The following NALCN variants were observed in gnomAD, a reference collection of about 807,000 sequenced individuals.
NALCN encodes the protein sodium leak channel, non-selective, also known as sodium leak channel NALCN.
A neutral mutation model predicts 225.3 loss-of-function variants in NALCN; 111 were observed. That is an observed-to-expected ratio of 0.49 (90% CI 0.42 to 0.58). The LOEUF (loss-of-function observed/expected upper bound fraction) is 0.58. Ranked by LOEUF, NALCN falls within the 20% of genes least tolerant of loss-of-function variation. NALCN has a pLI of 0.00. For synonymous variants in NALCN, 764 were observed against 769.0 expected (o/e 0.99, Z 0.11); for missense variants, 1,378 against 2,202.4 (o/e 0.63, Z 7.49).
At chr13:101,127,025 A>G (rs1411182465) in intron 17 of NALCN, among the ~76,000 whole-genome samples, 2 of 152,130 alleles carry the variant, frequency 1.3e-5, no homozygotes, top group African/African-American at 4.8e-5. Context: ...CTCTTATTTC[A>G]TCTTGAAAGG....
At chr13:101,090,025 A>G (rs1225294290) in intron 28 of NALCN, 59 bp from the exon 29 acceptor site, 3 of 1,608,840 alleles carry the variant, frequency 1.9e-6, no homozygotes, top group Non-Finnish European at 1.7e-6. Flanking sequence ...CCGAAGGCAA[A>G]TATCTGTAGC....
chr13:101,297,975 A>G (rs926239687), intron 7 of NALCN, among the ~76,000 whole-genome samples: 2 of 152,192 alleles, frequency 1.3e-5, no homozygotes, highest in Non-Finnish European at 2.9e-5. Context: ...TCTCAGTTTG[A>G]GCATCCCCTT....
intron 18 of NALCN, among the ~76,000 whole-genome samples, chr13:101,119,956 A>G (rs1162682734): frequency 6.6e-6 from 1 of 152,220 alleles, no homozygotes; most frequent in African/African-American, 2.4e-5. Flanking sequence ...GAGTTCTCAA[A>G]TATATCAAAA....
chr13:101,283,396 G>A (rs111294247), intron 10 of NALCN, among the ~76,000 whole-genome samples: 16 of 152,256 alleles, frequency 1.1e-4, no homozygotes, highest in African/African-American at 3.6e-4. Flanking sequence ...TTCACAGGCA[G>A]GGACGTGAGA....
At chr13:101,240,226 T>G (rs2041707355) in intron 11 of NALCN, among the ~76,000 whole-genome samples, 1 of 152,092 alleles carries the variant, frequency 6.6e-6, no homozygotes, top group Non-Finnish European at 1.5e-5. Context: ...TTTAAGAAGA[T>G]TAATACTAGT....
chr13:101,138,785 C>A (rs985843246), intron 17 of NALCN, among the ~76,000 whole-genome samples: 6 of 152,198 alleles, frequency 3.9e-5, no homozygotes, highest in Admixed American at 2.0e-4. Flanking sequence ...AAGTTCAGAT[C>A]TCACTTTATT....
intron 6 of NALCN, among the ~76,000 whole-genome samples, chr13:101,367,834 G>T (rs1199361000): frequency 6.6e-6 from 1 of 152,070 alleles, no homozygotes; most frequent in Admixed American, 6.5e-5. Flanking sequence ...AGTTCATTAT[G>T]GTCTTCAGAA....
intron 7 of NALCN, among the ~76,000 whole-genome samples, chr13:101,313,985 A>C (rs1594658363): frequency 6.6e-6 from 1 of 152,224 alleles, no homozygotes; most frequent in South Asian, 2.1e-4. Context: ...GCAGCCATAA[A>C]AAATGAAGAG....
At chr13:101,386,166 C>T (rs892590198) in intron 3 of NALCN, among the ~76,000 whole-genome samples, 1 of 152,110 alleles carries the variant, frequency 6.6e-6, no homozygotes, top group African/African-American at 2.4e-5. Context: ...CAGAAATATG[C>T]AGGTTGACTT....
At chr13:101,303,736 T>C (rs2044053607) in intron 7 of NALCN, among the ~76,000 whole-genome samples, 1 of 152,086 alleles carries the variant, frequency 6.6e-6, no homozygotes, top group Non-Finnish European at 1.5e-5. Flanking sequence ...CTTTCCGCGC[T>C]CTCATTAGGC....
At chr13:101,126,091 TGTCA>T (rs1294348390) in intron 17 of NALCN, among the ~76,000 whole-genome samples, 1 of 152,232 alleles carries the variant, frequency 6.6e-6, no homozygotes, top group Non-Finnish European at 1.5e-5. Flanking sequence ...AATGCTATAA[TGTCA>T]GTCAGTGTGT....
chr13:101,359,365 A>C (rs1317557065), intron 6 of NALCN, among the ~76,000 whole-genome samples: 3 of 152,234 alleles, frequency 2.0e-5, no homozygotes, highest in Non-Finnish European at 4.4e-5. Context: ...TACAAATTAC[A>C]GAACATGAAA....
chr13:101,319,403 C>G (rs1247885601), intron 7 of NALCN, among the ~76,000 whole-genome samples: 1 of 152,210 alleles, frequency 6.6e-6, no homozygotes, highest in Non-Finnish European at 1.5e-5. Context: ...ACAGGACACC[C>G]AGGCTGGAGT....
intron 9 of NALCN, among the ~76,000 whole-genome samples, chr13:101,287,906 T>C (rs1010325866): frequency 1.3e-5 from 2 of 152,172 alleles, no homozygotes; most frequent in Non-Finnish European, 2.9e-5. Context: ...ATCTTGGTAA[T>C]GGAGAATCAC....
At position 101,065,100 on chromosome 13, in the gene NALCN, A is replaced by G. The variant is rs142154769; in HGVS notation, c.4604+304T>C. 1.8e-4 allele frequency among the ~76,000 whole-genome samples: 27 copies of G among 152,194 alleles called. 2 individuals carry two copies. The East Asian group carries it at 5.2e-3, about 29-fold the overall frequency. On this transcript the variant is annotated intron_variant, in intron 40 of 43. Coordinates refer to ENST00000251127, the MANE Select transcript of NALCN (RefSeq NM_052867.4). ...TCCCGCATCACAGGGAAGGGGTGGG[A>G]CTGTGCTCTCCCAGATCCCTTCCAC...
Position 101,276,919 on chromosome 13 carries a change from T to C in NALCN, c.1134+7014A>G, listed in dbSNP as rs571366835. ...AATGTGTGATCAGAATCACTGCCCA[T>C]TGAAATATATAAAATCCTAATAGTT... On this transcript the variant is annotated intron_variant, in intron 10 of 43. Transcript: ENST00000251127. Among the ~76,000 whole-genome samples, 6 of 152,278 alleles carry C rather than the reference T, an allele frequency of 3.9e-5. No homozygotes were observed. In the South Asian group the frequency reaches 8.3e-4, roughly 21 times the overall value.
chr13:101,106,740 C>T (rs912381493), intron 22 of NALCN, among the ~76,000 whole-genome samples: 3 of 152,166 alleles, frequency 2.0e-5, no homozygotes, highest in Non-Finnish European at 4.4e-5. Context: ...TAAGATGTGC[C>T]TTTTGCCTTC....
Position 101,057,882 on chromosome 13 carries a change from CAG to C in NALCN, c.5023+55_5023+56del, listed in dbSNP as rs760233683. ...AAAGGCAAGACCCAAAACACACAAACAGAGTAAATACCTTTAAAATGCCTCGA... is the reference window on the plus strand; with the variant it reads ...AAAGGCAAGACCCAAAACACACAAACAGTAAATACCTTTAAAATGCCTCGA... On this transcript the variant is annotated intron_variant, in intron 43 of 43. Coordinates refer to ENST00000251127, the MANE Select transcript of NALCN (RefSeq NM_052867.4). 133 of 1,362,312 alleles carry C rather than the reference CAG, an allele frequency of 9.8e-5. No individual in the cohort carries two copies. The Middle Eastern group carries it at 2.3e-3, about 24-fold the overall frequency. The allele number at this position is 1,362,312 out of a possible 1,614,324, so 84.4% of individuals were successfully genotyped here. A position where few individuals can be genotyped will look rare whatever the true frequency, so the allele number is the denominator to read the frequency against.
At chr13:101,127,142 A>G (rs1279954874) in intron 17 of NALCN, among the ~76,000 whole-genome samples, 1 of 152,198 alleles carries the variant, frequency 6.6e-6, no homozygotes. Flanking sequence ...CTTTTGGGAT[A>G]ATATCTGGTA....
Sources: allele counts gnomAD v4.1 joint callset (sites outside exome capture counted in the v4.1 genomes callset), GRCh38; gene constraint gnomAD v4.1.1; transcripts MANE v1.5; gene names NCBI Gene and HGNC (gene_info 2026-07-23, HGNC 2026-07-21).